Variants in RALGAPA1 observed in about 807,000 individuals in gnomAD.
The protein encoded by RALGAPA1 is ral GTPase-activating protein subunit alpha-1.
Under a neutral mutation model 269.6 loss-of-function variants are expected in RALGAPA1, and 52 were observed. That is an observed-to-expected ratio of 0.19 (90% CI 0.15 to 0.24). The LOEUF (loss-of-function observed/expected upper bound fraction) is 0.24. RALGAPA1 is among the 10% of genes least tolerant of loss of function. The pLI, the probability that RALGAPA1 is intolerant of heterozygous loss-of-function variation, is 1.00. For synonymous variants in RALGAPA1, 817 were observed against 1,008.3 expected (o/e 0.81, Z 3.60); for missense variants, 1,917 against 3,013.9 (o/e 0.64, Z 8.52).
At chr14:35,571,594 A>T (rs934942949) in intron 38 of RALGAPA1, among the ~76,000 whole-genome samples, 1 of 152,058 alleles carries the variant, frequency 6.6e-6, no homozygotes, top group Non-Finnish European at 1.5e-5. Context: ...GAATTGCTTG[A>T]ACCCGGGAGG....
intron 31 of RALGAPA1, among the ~76,000 whole-genome samples, chr14:35,640,101 G>T (rs955874321): frequency 6.6e-6 from 1 of 152,038 alleles, no homozygotes; most frequent in East Asian, 1.9e-4. Context: ...TAAGAGGGAA[G>T]TTTATAGCTA....
Position 35,808,709 on chromosome 14 carries a change from C to T in RALGAPA1, c.106+21G>A, listed in dbSNP as rs772522150. Reference sequence around the variant, plus strand: ...AGGCCGGGCAACCCAGGCCTCGGCGCTGCCACCCCTCGCTCCTCACCGATG... The same window carrying T: ...AGGCCGGGCAACCCAGGCCTCGGCGTTGCCACCCCTCGCTCCTCACCGATG... On this transcript the variant is annotated intron_variant, in intron 1 of 41. Transcript: ENST00000680220. 4.4e-6 allele frequency: 7 copies of T among 1,603,670 alleles called. No homozygotes were observed. In the East Asian group the frequency reaches 1.6e-4, roughly 36 times the overall value.
In RALGAPA1 at chr14:35,627,501, G is replaced by A; in HGVS notation, c.6446C>T (p.Thr2149Ile). ...TATATCTTCTAAGCATTCATTAGAT[G>A]TCGGAGGCTCTTCTGGCTTCTCTTG... is the stretch of plus-strand genomic sequence containing the variant. Reference protein sequence around the residue: ...SHQEKPEEPPTSNECLEDITV... With the variant: ...SHQEKPEEPPISNECLEDITV... Residue 2149 changes from threonine to isoleucine, a missense_variant, in exon 34 of 42, where the codon ACA becomes ATA. Around this residue, in one of 11 missense-constraint regions of RALGAPA1, gnomAD observed 346 missense variants for 566.1 expected, o/e 0.61. Coordinates refer to ENST00000680220, the MANE Select transcript of RALGAPA1 (RefSeq NM_001346249.2). The A allele has an allele frequency of 1.2e-6, 2 of 1,609,834 alleles. No homozygotes were observed. The highest frequency in any genetic ancestry group is 1.1e-5 in the South Asian group (1 of 89,932).
chr14:35,687,759 T>C (rs959183635), intron 18 of RALGAPA1, among the ~76,000 whole-genome samples: 1 of 152,204 alleles, frequency 6.6e-6, no homozygotes, highest in African/African-American at 2.4e-5. Context: ...GAAACCTTTA[T>C]GCACATTTAA....
At chr14:35,643,576 C>T (rs2062178150) in intron 31 of RALGAPA1, among the ~76,000 whole-genome samples, 1 of 152,114 alleles carries the variant, frequency 6.6e-6, no homozygotes, top group Non-Finnish European at 1.5e-5. Context: ...TAAGAGATAC[C>T]TACATTCCCA....
intron 16 of RALGAPA1, among the ~76,000 whole-genome samples, chr14:35,713,430 A>G (rs930725697): frequency 2.0e-5 from 3 of 152,176 alleles, no homozygotes; most frequent in Non-Finnish European, 4.4e-5. Context: ...ACTTTACATT[A>G]ATAAAGCTAC....
At position 35,660,530 on chromosome 14, in the gene RALGAPA1, C is replaced by T. The variant is rs1204058743; in HGVS notation, c.5329-1334G>A. The stretch of plus-strand genomic sequence containing the variant: ...AAGACAGAAATAAATAGAAACATAT[C>T]TGTGTCCACAGATTACAGAATTATT... On this transcript the variant is annotated intron_variant, in intron 27 of 41. Transcript: ENST00000680220. Among the ~76,000 whole-genome samples the T allele has an allele frequency of 2.0e-5, 3 of 152,074 alleles. No homozygotes were observed. The East Asian group carries it at 5.8e-4, about 29-fold the overall frequency.
chr14:35,599,255 T>C (rs1365555234), intron 36 of RALGAPA1, among the ~76,000 whole-genome samples: 2 of 152,230 alleles, frequency 1.3e-5, no homozygotes, highest in African/African-American at 4.8e-5. Context: ...ATTGTATCTA[T>C]CCATTTTTTT....
chr14:35,557,852 C>T (rs1368733676), intron 39 of RALGAPA1, among the ~76,000 whole-genome samples: 2 of 152,084 alleles, frequency 1.3e-5, no homozygotes, highest in African/African-American at 4.8e-5. Context: ...CTTCCTTATC[C>T]TATTTAAGAA....
chr14:35,725,356 C>T (rs190171846), intron 13 of RALGAPA1, among the ~76,000 whole-genome samples: 4 of 152,226 alleles, frequency 2.6e-5, no homozygotes, highest in African/African-American at 7.2e-5. Context: ...AATCATTTAT[C>T]GGCCACAATA....
intron 41 of RALGAPA1, among the ~76,000 whole-genome samples, chr14:35,541,444 CCTT>C (rs2138976729): frequency 6.6e-6 from 1 of 152,218 alleles, no homozygotes; most frequent in South Asian, 2.1e-4. Flanking sequence ...GGTCAATTGC[CCTT>C]CTTCTCAAAG....
chr14:35,716,245 T>C (rs888471551), intron 16 of RALGAPA1: 2 of 190,438 alleles, frequency 1.1e-5, no homozygotes, highest in East Asian at 3.8e-4. Flanking sequence ...ATACAAAAAT[T>C]AGCTAGGCGT....
In RALGAPA1 at chr14:35,690,014, A is replaced by C; in HGVS notation, c.2408-11T>G. The C allele has an allele frequency of 6.5e-7, 1 of 1,528,564 alleles. No individual in the cohort carries two copies. The highest frequency in any genetic ancestry group is 8.8e-7 in the Non-Finnish European group (1 of 1,141,444). The allele number at this position is 1,528,564 out of a possible 1,614,324, so 94.7% of individuals were successfully genotyped here. ...GAGCATCATCAATATCTGTAAAAGAAAAAAAAATTATGTAGAGAAGAACTA... is the reference window on the plus strand; with the variant it reads ...GAGCATCATCAATATCTGTAAAAGACAAAAAAATTATGTAGAGAAGAACTA... On this transcript the variant is annotated splice_polypyrimidine_tract_variant and intron_variant, in intron 17 of 41. Coordinates refer to ENST00000680220, the MANE Select transcript of RALGAPA1 (RefSeq NM_001346249.2).
chr14:35,775,522 A>G (rs1327198566), intron 2 of RALGAPA1, 113 bp downstream of exon 2: 21 of 1,346,836 alleles, frequency 1.6e-5, no homozygotes, highest in Non-Finnish European at 2.0e-5. Context: ...GAGGGAAAGC[A>G]AAAAGCTGTC....
At chr14:35,717,401 C>T (rs1308837592) in intron 16 of RALGAPA1, among the ~76,000 whole-genome samples, 5 of 152,154 alleles carry the variant, frequency 3.3e-5, no homozygotes, top group African/African-American at 9.7e-5. Flanking sequence ...CCGCCCGCCT[C>T]GGCCTCCCAA....
At chr14:35,661,952 T>C (rs1479051241) in intron 27 of RALGAPA1, among the ~76,000 whole-genome samples, 2 of 152,136 alleles carry the variant, frequency 1.3e-5, no homozygotes, top group African/African-American at 4.8e-5. Flanking sequence ...AGACAGAACA[T>C]AAATCTGAGT....
intron 39 of RALGAPA1, among the ~76,000 whole-genome samples, chr14:35,565,340 T>C (rs2056607251): frequency 6.7e-6 from 1 of 149,970 alleles, no homozygotes; most frequent in Non-Finnish European, 1.5e-5. Context: ...TAATATAATA[T>C]ATAACATATA....
At chr14:35,747,913 C>CT (rs2072275578) in intron 10 of RALGAPA1, among the ~76,000 whole-genome samples, 1 of 150,508 alleles carries the variant, frequency 6.6e-6, no homozygotes, top group African/African-American at 2.4e-5. Context: ...TTTTTCTATA[C>CT]TTTCCTTAAG....
chr14:35,754,983 T>C (rs2073045440), intron 7 of RALGAPA1, among the ~76,000 whole-genome samples: 1 of 152,146 alleles, frequency 6.6e-6, no homozygotes, highest in Admixed American at 6.6e-5. Context: ...CAAACTATTC[T>C]ATAATGACAA....
Sources: gnomAD v4.1 joint callset for allele counts (sites outside exome capture counted in the v4.1 genomes callset) on GRCh38, gnomAD v4.1.1 for gene constraint, gnomAD v4.1.1 regional missense constraint, MANE v1.5 for transcripts, NCBI Gene and HGNC (gene_info 2026-07-23, HGNC 2026-07-21) for gene names.